Variants in ANAPC10 observed in about 807,000 individuals in gnomAD.
ANAPC10 encodes anaphase-promoting complex subunit 10.
ANAPC10 carries 12 observed loss-of-function variants against 22.0 expected under a neutral mutation model. The observed-to-expected ratio is 0.55, with a 90% confidence interval of 0.35 to 0.88. The LOEUF is 0.88. Among genes scored for constraint, ANAPC10 ranks in the 40% least tolerant of loss-of-function variants. The probability of loss-of-function intolerance (pLI) is 0.01; values close to 1 mark genes in which losing one functional copy is unlikely to be tolerated. For missense variants in ANAPC10, 188 were observed against 220.9 expected, an observed-to-expected ratio of 0.85 and a Z score of 0.94; for synonymous variants, 65 against 69.5, an observed-to-expected ratio of 0.94 and a Z score of 0.32.
intron 1 of ANAPC10, chr4:145,097,518 T>C: frequency 1.6e-6 from 2 of 1,287,266 alleles, no homozygotes; most frequent in Non-Finnish European, 2.0e-6. Context: ...CCTCCCATTG[T>C]ATCCGAAGTT....
chr4:145,045,911 G>A (rs533339140), intron 4 of ANAPC10, among the ~76,000 whole-genome samples: 11 of 152,016 alleles, frequency 7.2e-5, no homozygotes, highest in Non-Finnish European at 1.5e-4. Flanking sequence ...TTTAAAAAAC[G>A]ATCTGATCTA....
At chr4:145,074,376 C>G (rs1744904736) in intron 3 of ANAPC10, among the ~76,000 whole-genome samples, 1 of 151,764 alleles carries the variant, frequency 6.6e-6, no homozygotes, top group African/African-American at 2.4e-5. Context: ...TTAATATATT[C>G]TATTCAAATT....
chr4:145,010,898 A>G lies in ANAPC10; in HGVS notation c.328-15295T>C, dbSNP rs1296556738. On this transcript the variant is annotated intron_variant, in intron 4 of 4. Coordinates refer to ENST00000507656, the MANE Select transcript of ANAPC10 (RefSeq NM_001256706.2). ...TATATGGGGAAAAAAAAACAAAAAT[A>G]TACATCTCTTTTTTAGAAGGCAACT... 6.6e-5 allele frequency among the ~76,000 whole-genome samples: 10 copies of G among 152,224 alleles called. 1 individual carries two copies. In the Middle Eastern group the frequency reaches 0.027, roughly 414 times the overall value.
At chr4:145,003,595 G>T (rs760681301) in intron 4 of ANAPC10, among the ~76,000 whole-genome samples, 3 of 152,206 alleles carry the variant, frequency 2.0e-5, no homozygotes, top group Middle Eastern at 3.4e-3. Flanking sequence ...TATTGAATAG[G>T]AAGTCCTTCC....
At chr4:145,084,003 C>T (rs1746485383) in intron 2 of ANAPC10, among the ~76,000 whole-genome samples, 2 of 150,470 alleles carry the variant, frequency 1.3e-5, no homozygotes, top group Admixed American at 1.3e-4. Flanking sequence ...CAGGGTCTTG[C>T]TCTGACACAC....
At position 145,071,360 on chromosome 4, in the gene ANAPC10, C is replaced by T. The variant is rs147805275; in HGVS notation, c.207-6668G>A. On this transcript the variant is annotated intron_variant, in intron 3 of 4. Transcript: ENST00000507656. ...GGCAGAGGTTGCAGTGAGCCAAGAT[C>T]GTGCCATTGCACTCCAGCCTGGGCA... Among the ~76,000 whole-genome samples the T allele has an allele frequency of 4.2e-3, 641 of 152,218 alleles. 6 individuals carry two copies. Among genetic ancestry groups the T allele is most frequent in the African/African-American group, 0.015 (605 of 41,548 alleles).
At chr4:145,082,969 A>G (rs1172947322) in intron 2 of ANAPC10, among the ~76,000 whole-genome samples, 2 of 152,182 alleles carry the variant, frequency 1.3e-5, no homozygotes, top group East Asian at 1.9e-4. Flanking sequence ...AGTTTATTGC[A>G]TGCCCTTTCA....
chr4:145,006,693 T>C (rs1416897240), intron 4 of ANAPC10, among the ~76,000 whole-genome samples: 1 of 152,192 alleles, frequency 6.6e-6, no homozygotes, highest in Non-Finnish European at 1.5e-5. Flanking sequence ...GATAGTAAGA[T>C]AACATAAATT....
At chr4:145,091,351 C>A (rs1307759682) in intron 2 of ANAPC10, among the ~76,000 whole-genome samples, 1 of 152,176 alleles carries the variant, frequency 6.6e-6, no homozygotes, top group African/African-American at 2.4e-5. Flanking sequence ...AGGAGTTCAA[C>A]TAGCACTGAT....
intron 2 of ANAPC10, among the ~76,000 whole-genome samples, chr4:145,083,566 T>C (rs1746413331): frequency 1.3e-5 from 2 of 152,184 alleles, no homozygotes; most frequent in Non-Finnish European, 1.5e-5. Flanking sequence ...CAATGGCTAG[T>C]AAAAGTTGGT....
At chr4:145,027,199 TTGCCATGTTGGC>T (rs1412527608) in intron 4 of ANAPC10, among the ~76,000 whole-genome samples, 8 of 149,780 alleles carry the variant, frequency 5.3e-5, no homozygotes, top group Admixed American at 2.0e-4. Flanking sequence ...AGATGGGATT[TTGCCATGTTGGC>T]CAGGCTAGTC....
intron 3 of ANAPC10, among the ~76,000 whole-genome samples, chr4:145,070,782 A>G (rs1413042007): frequency 6.6e-6 from 1 of 152,248 alleles, no homozygotes; most frequent in Non-Finnish European, 1.5e-5. Flanking sequence ...AATGTGGCAC[A>G]GTCATACAAT....
rs147289916 is a variant in ANAPC10, at chr4:145,062,475, C to T, written c.327+2097G>A. Reference sequence around the variant, plus strand: ...AGAAAAAATTAGCTGGGCATGGTGGCGCATTCCTGTAATCCCAGCTACTCA... The same window carrying T: ...AGAAAAAATTAGCTGGGCATGGTGGTGCATTCCTGTAATCCCAGCTACTCA... On this transcript the variant is annotated intron_variant, in intron 4 of 4. Coordinates refer to ENST00000507656, the MANE Select transcript of ANAPC10 (RefSeq NM_001256706.2). Among the ~76,000 whole-genome samples the T allele has an allele frequency of 4.3e-3, 656 of 151,982 alleles. 6 individuals are homozygous for T. The highest frequency in any genetic ancestry group is 0.015 in the African/African-American group (608 of 41,442).
chr4:144,995,676 A>G (rs890089110), intron 4 of ANAPC10, 73 bp from the exon 5 acceptor site: 9 of 975,950 alleles, frequency 9.2e-6, no homozygotes, highest in Non-Finnish European at 1.4e-5. Context: ...TGCATTCTAT[A>G]ATAAAATAAC....
At chr4:145,053,463 G>A (rs1579047284) in intron 4 of ANAPC10, among the ~76,000 whole-genome samples, 1 of 152,174 alleles carries the variant, frequency 6.6e-6, no homozygotes, top group East Asian at 1.9e-4. Context: ...CTAGCTGTAG[G>A]CCATCCAATT....
chr4:145,018,102 G>A (rs1735457771), intron 4 of ANAPC10, among the ~76,000 whole-genome samples: 2 of 147,802 alleles, frequency 1.4e-5, no homozygotes, highest in African/African-American at 2.5e-5. Flanking sequence ...ATGTACCCTA[G>A]AACTTAGAGT....
At chr4:145,083,415 T>A (rs1437098714) in intron 2 of ANAPC10, among the ~76,000 whole-genome samples, 1 of 152,190 alleles carries the variant, frequency 6.6e-6, no homozygotes, top group Non-Finnish European at 1.5e-5. Flanking sequence ...GTCTACAATC[T>A]TTAAATATAT....
chr4:145,072,146 C>A (rs535020591), intron 3 of ANAPC10, among the ~76,000 whole-genome samples: 1 of 152,262 alleles, frequency 6.6e-6, no homozygotes, highest in South Asian at 2.1e-4. Flanking sequence ...CTCACTAGAA[C>A]TGAACACTTC....
chr4:145,090,308 T>C (rs903882432), intron 2 of ANAPC10, among the ~76,000 whole-genome samples: 4 of 152,190 alleles, frequency 2.6e-5, no homozygotes, highest in Non-Finnish European at 4.4e-5. Flanking sequence ...TGTTGTTGTA[T>C]TGTTATTTTT....
Sources: gnomAD v4.1 joint callset for allele counts (sites outside exome capture counted in the v4.1 genomes callset) on GRCh38, gnomAD v4.1.1 for gene constraint, MANE v1.5 for transcripts, NCBI Gene and HGNC (gene_info 2026-07-23, HGNC 2026-07-21) for gene names.